The following CTNNA3 variants were observed in gnomAD, a reference collection of about 807,000 sequenced individuals.
The protein encoded by CTNNA3 is catenin alpha 3.
A neutral mutation model predicts 95.7 loss-of-function variants in CTNNA3; 76 were observed. That is an observed-to-expected ratio of 0.79 (90% confidence interval 0.66 to 0.96). The LOEUF is 0.96. Ranked by LOEUF, CTNNA3 falls within the 40% of genes least tolerant of loss-of-function variation. The pLI, the probability that CTNNA3 is intolerant of heterozygous loss-of-function variation, is 0.00. For synonymous variants in CTNNA3, 431 were observed against 374.4 expected (o/e 1.15, Z -1.74); for missense variants, 1,191 against 1,089.8 (o/e 1.09, Z -1.31).
intron 14 of CTNNA3, among the ~76,000 whole-genome samples, chr10:66,075,423 G>A (rs1316843675): frequency 6.6e-6 from 1 of 151,692 alleles, no homozygotes; most frequent in Non-Finnish European, 1.5e-5. Flanking sequence ...ATTTATAGGA[G>A]TTGTGTGAGA....
chr10:66,862,483 T>C (rs899297322), intron 7 of CTNNA3, among the ~76,000 whole-genome samples: 8 of 152,082 alleles, frequency 5.3e-5, no homozygotes, highest in African/African-American at 1.7e-4. Context: ...TCTAGAATGA[T>C]GGTCAACAAA....
At chr10:66,035,537 A>ATTT (rs3884199) in intron 15 of CTNNA3, among the ~76,000 whole-genome samples, 22,602 of 147,100 alleles carry the variant, frequency 0.15, 1,941 homozygotes, top group South Asian at 0.32. Context: ...GAATGAGGGT[A>ATTT]TTTTTTTTTT....
At chr10:66,784,481 T>C (rs549401371) in intron 7 of CTNNA3, among the ~76,000 whole-genome samples, 151 of 152,272 alleles carry the variant, frequency 9.9e-4, no homozygotes, top group Middle Eastern at 6.8e-3. Flanking sequence ...GAAATACAGA[T>C]CTATATGGCA....
intron 7 of CTNNA3, chr10:66,926,956 G>A (rs760549306): frequency 1.9e-6 from 3 of 1,612,944 alleles, no homozygotes; most frequent in East Asian, 4.5e-5. Flanking sequence ...CGGATCAGCT[G>A]TAGCACTGGT....
chr10:67,248,112 A>G (rs746410246), intron 5 of CTNNA3, among the ~76,000 whole-genome samples: 1 of 152,166 alleles, frequency 6.6e-6, no homozygotes, highest in Non-Finnish European at 1.5e-5. Flanking sequence ...ACTTGAGTCC[A>G]GGAGTTCAAA....
intron 5 of CTNNA3, among the ~76,000 whole-genome samples, chr10:67,298,928 A>G (rs1589138988): frequency 6.8e-6 from 1 of 146,568 alleles, no homozygotes; most frequent in African/African-American, 2.5e-5. Context: ...CATATGTTGC[A>G]TTTTTTTTTT....
chr10:66,957,520 T>A (rs1848888094), intron 7 of CTNNA3, among the ~76,000 whole-genome samples: 1 of 150,662 alleles, frequency 6.6e-6, no homozygotes, highest in Admixed American at 6.7e-5. Flanking sequence ...TTGGGCATAG[T>A]GGGAAGGACA....
chr10:66,454,217 ACTT>A (rs1409380127), intron 11 of CTNNA3, among the ~76,000 whole-genome samples: 6 of 152,324 alleles, frequency 3.9e-5, no homozygotes, highest in Admixed American at 2.6e-4. Flanking sequence ...GTGTAACTAG[ACTT>A]CTAGACTGCA....
chr10:66,891,947 A>G (rs1845284657), intron 7 of CTNNA3, among the ~76,000 whole-genome samples: 1 of 152,140 alleles, frequency 6.6e-6, no homozygotes, highest in African/African-American at 2.4e-5. Flanking sequence ...TAGAAGCCGC[A>G]TTTTAGTCTG....
At chr10:67,640,511 G>T (rs1444937200) in intron 2 of CTNNA3, among the ~76,000 whole-genome samples, 2 of 152,084 alleles carry the variant, frequency 1.3e-5, no homozygotes, top group Non-Finnish European at 2.9e-5. Context: ...CTACTTTAAA[G>T]TTCATATGGA....
At chr10:67,127,903 C>T (rs1371219766) in intron 7 of CTNNA3, among the ~76,000 whole-genome samples, 2 of 151,904 alleles carry the variant, frequency 1.3e-5, no homozygotes, top group African/African-American at 2.4e-5. Context: ...CATGTGCGTG[C>T]ACATGTACAT....
At chr10:67,004,248 TG>T (rs1298016145) in intron 7 of CTNNA3, among the ~76,000 whole-genome samples, 1 of 152,202 alleles carries the variant, frequency 6.6e-6, no homozygotes, top group Non-Finnish European at 1.5e-5. Flanking sequence ...GAAAGATTTT[TG>T]CTTTAAAAGT....
intron 7 of CTNNA3, among the ~76,000 whole-genome samples, chr10:66,867,539 T>C (rs1844227961): frequency 2.0e-5 from 3 of 152,172 alleles, no homozygotes; most frequent in African/African-American, 7.2e-5. Flanking sequence ...TTATGGAGTG[T>C]AACTTTGGCT....
intron 13 of CTNNA3, among the ~76,000 whole-genome samples, chr10:66,189,657 CACAT>C (rs989316823): frequency 2.8e-4 from 40 of 143,172 alleles, no homozygotes; most frequent in African/African-American, 9.8e-4. Context: ...TATACACACA[CACAT>C]ATATATATAT....
chr10:67,206,023 C>T (rs573820311), intron 6 of CTNNA3, among the ~76,000 whole-genome samples: 37 of 152,280 alleles, frequency 2.4e-4, no homozygotes, highest in Middle Eastern at 3.4e-3. Flanking sequence ...TCCCTATCTC[C>T]CAGTTTCTGT....
At chr10:66,598,210 T>C (rs989444889) in intron 10 of CTNNA3, among the ~76,000 whole-genome samples, 1 of 152,066 alleles carries the variant, frequency 6.6e-6, no homozygotes, top group East Asian at 1.9e-4. Context: ...ATATTTGACA[T>C]TCTTTTTTGA....
chr10:66,409,402 C>T (rs1317723704), intron 11 of CTNNA3, among the ~76,000 whole-genome samples: 1 of 138,342 alleles, frequency 7.2e-6, no homozygotes, highest in Non-Finnish European at 1.6e-5. Flanking sequence ...TAACTGTTCC[C>T]AAAAAAAAAA....
chr10:67,480,314 C>T (rs1848170336), intron 5 of CTNNA3, among the ~76,000 whole-genome samples: 1 of 152,212 alleles, frequency 6.6e-6, no homozygotes. Flanking sequence ...AGGCCAATAT[C>T]CCTGATGAAC....
At chr10:67,276,170 A>C (rs1301196911) in intron 5 of CTNNA3, among the ~76,000 whole-genome samples, 1 of 152,162 alleles carries the variant, frequency 6.6e-6, no homozygotes, top group Non-Finnish European at 1.5e-5. Context: ...AAATTTTACA[A>C]TTAATTTTAA....
Sources: allele counts gnomAD v4.1 joint callset (sites outside exome capture counted in the v4.1 genomes callset), GRCh38; gene constraint gnomAD v4.1.1; transcripts MANE v1.5; gene names NCBI Gene and HGNC (gene_info 2026-07-23, HGNC 2026-07-21).